SSC5D: variants seen among roughly 807,000 people sequenced by gnomAD.
The protein encoded by SSC5D is soluble scavenger receptor cysteine-rich domain-containing protein SSC5D.
A neutral mutation model predicts 104.6 loss-of-function variants in SSC5D; 106 were observed. The observed-to-expected ratio is 1.01, with a 90% confidence interval of 0.87 to 1.19. SSC5D has a LOEUF of 1.19. Among genes scored for constraint, SSC5D ranks in the 50% most tolerant of loss-of-function variants. SSC5D has a pLI of 0.00. For synonymous variants in SSC5D, 860 were observed against 883.5 expected, an observed-to-expected ratio of 0.97 and a Z score of 0.47; for missense variants, 1,993 against 2,153.8, an observed-to-expected ratio of 0.93 and a Z score of 1.48.
In SSC5D at chr19:55,490,854, T is replaced by G; in HGVS notation, c.669T>G (p.Cys223Trp). The G allele has an allele frequency of 6.5e-7, 1 of 1,547,022 alleles. No individual in the cohort carries two copies. The highest frequency in any genetic ancestry group is 8.7e-7 in the Non-Finnish European group (1 of 1,145,310). The change falls in exon 6 of 14, where the codon TGT (cysteine) becomes TGG (tryptophan). Residue 223 changes from cysteine (C) to tryptophan (W), a missense_variant. Physicochemically the swap from Cys to Trp is radical, Grantham distance 215. This residue lies in a region of SSC5D where 1,101 missense variants were observed against 1,085.0 expected (regional missense o/e 1.01). Transcript: ENST00000389623. Reference sequence around the variant, plus strand: ...ACGGCGGGCGCTGGGGCACCGTATGTGACGATGGCTGGGACCTGCGCGACG... The same window carrying G: ...ACGGCGGGCGCTGGGGCACCGTATGGGACGATGGCTGGGACCTGCGCGACG... Reference protein sequence around the residue: ...VWHGGRWGTVCDDGWDLRDAA... With the variant: ...VWHGGRWGTVWDDGWDLRDAA...
At chr19:55,492,247 A>T (rs1276405200) in intron 6 of SSC5D, 1 of 152,266 alleles carries the variant, frequency 6.6e-6, no homozygotes, top group Non-Finnish European at 1.5e-5. Context: ...GGGTCTGTAT[A>T]GACCCACGCT....
In SSC5D at chr19:55,499,819, C is replaced by T. The variant is rs200136593; in HGVS notation, c.1709C>T (p.Pro570Leu). ...NEDVGVTCTG[P>L]PGLDSISDPF... ...TCCTGCCCCACTCACCTTCCAGGGC[C>T]CCCAGGCCTGGACTCCATCTCAGAC... The change falls in exon 10 of 14, where the codon CCC becomes CTC. Residue 570 changes from proline (P) to leucine (L), a missense_variant. Pro to Leu is a moderately conservative substitution (Grantham distance 98). This residue lies in a region of SSC5D where 1,101 missense variants were observed against 1,085.0 expected (regional missense o/e 1.01). Transcript: ENST00000389623. The T allele has an allele frequency of 4.0e-5, 62 of 1,550,068 alleles. No individual in the cohort carries two copies. The highest frequency in any genetic ancestry group is 5.1e-5 in the Non-Finnish European group (58 of 1,145,834).
At chr19:55,513,707 C>T (rs960599612) in intron 13 of SSC5D, among the ~76,000 whole-genome samples, 4 of 152,206 alleles carry the variant, frequency 2.6e-5, no homozygotes, top group Non-Finnish European at 4.4e-5. Flanking sequence ...AGAGGCTACC[C>T]ATTGGCACCT....
intron 5 of SSC5D, 73 bp downstream of exon 5, chr19:55,490,481 C>G: frequency 1.6e-6 from 1 of 623,176 alleles, no homozygotes; most frequent in Admixed American, 3.3e-5. Context: ...AAACTGAGGA[C>G]CTGCGGGCGC....
intron 13 of SSC5D, among the ~76,000 whole-genome samples, chr19:55,513,773 T>A (rs1232703709): frequency 6.6e-6 from 1 of 152,048 alleles, no homozygotes; most frequent in East Asian, 1.9e-4. Flanking sequence ...ACATTCCCCA[T>A]AACAAAGAAC....
chr19:55,504,150 T>G (rs1987583592), intron 12 of SSC5D: 3 of 1,535,598 alleles, frequency 2.0e-6, no homozygotes, highest in Non-Finnish European at 2.6e-6. Flanking sequence ...GTGATGCTCC[T>G]CGTTCAAGGA....
chr19:55,496,903 T>A (rs1031821377), intron 8 of SSC5D, among the ~76,000 whole-genome samples: 2 of 152,140 alleles, frequency 1.3e-5, no homozygotes, highest in African/African-American at 4.8e-5. Flanking sequence ...GCTGAGCCAC[T>A]GCACCTGGCC....
rs1987379495 is a variant in SSC5D, at chr19:55,498,189, C to T, written c.1697C>T (p.Thr566Ile). ...NCAHNEDVGV[T>I]CTGPPGLDSI... ...GCTCACAATGAGGATGTTGGGGTCA[C>T]CTGCACTGGTAAGGAGGCCCTAGCT... Residue 566 changes from threonine to isoleucine, a missense_variant, in exon 9 of 14, where the codon ACC becomes ATC. Thr to Ile is a moderately conservative substitution (Grantham distance 89). Transcript: ENST00000389623. 1.3e-6 allele frequency: 2 copies of T among 1,551,618 alleles called. No homozygotes were observed. Among genetic ancestry groups the T allele is most frequent in the Non-Finnish European group, 1.7e-6 (2 of 1,147,000 alleles).
intron 6 of SSC5D, 62 bp downstream of exon 6, chr19:55,491,142 C>T (rs769547299): frequency 1.5e-5 from 22 of 1,487,558 alleles, no homozygotes; most frequent in Non-Finnish European, 2.0e-5. Context: ...CCTCTTGCCC[C>T]TCCAGGAAGC....
At chr19:55,496,927 T>C (rs1257597577) in intron 8 of SSC5D, among the ~76,000 whole-genome samples, 4 of 152,156 alleles carry the variant, frequency 2.6e-5, no homozygotes, top group Non-Finnish European at 5.9e-5. Context: ...GCCTGGCTAA[T>C]TTTTGTATTT....
intron 12 of SSC5D, among the ~76,000 whole-genome samples, chr19:55,504,750 G>A (rs1987600744): frequency 6.6e-6 from 1 of 152,108 alleles, no homozygotes; most frequent in Non-Finnish European, 1.5e-5. Flanking sequence ...ACTCGCCTTG[G>A]CCTCCCGAAG....
intron 8 of SSC5D, among the ~76,000 whole-genome samples, chr19:55,495,684 A>G (rs890078637): frequency 6.6e-6 from 1 of 152,116 alleles, no homozygotes; most frequent in Admixed American, 6.6e-5. Flanking sequence ...GGGGCCACAC[A>G]GGGAAGCACC....
Position 55,518,122 on chromosome 19 carries a change from C to G in SSC5D, c.3846C>G (p.His1282Gln). The change falls in exon 14 of 14, where the codon CAC (histidine) becomes CAG (glutamine). Residue 1282 changes from histidine to glutamine, a missense_variant. His to Gln is a conservative substitution (Grantham distance 24). Around this residue, in one of 6 missense-constraint regions of SSC5D, gnomAD observed 349 missense variants for 397.6 expected, o/e 0.88. Transcript: ENST00000389623. The stretch of plus-strand genomic sequence containing the variant: ...TGCCTCATCCCACCACGACCCCTCA[C>G]CCCACCACGACTCCTCACCCCACCA... ...TTMPHPTTTP[H>Q]PTTTPHPTTT... is the part of the protein sequence containing the mutation. The G allele has an allele frequency of 6.9e-7, 1 of 1,458,114 alleles. No homozygotes were observed. Among genetic ancestry groups the G allele is most frequent in the Non-Finnish European group, 9.2e-7 (1 of 1,083,980 alleles). The allele number at this position is 1,458,114 out of a possible 1,614,324, so 90.3% of individuals were successfully genotyped here.
At chr19:55,491,101 G>GC (rs1987132891) in intron 6 of SSC5D, 21 bp downstream of exon 6, 6 of 1,538,472 alleles carry the variant, frequency 3.9e-6, no homozygotes, top group Non-Finnish European at 5.3e-6. Flanking sequence ...CTGGGGCCTG[G>GC]CCCCCTCCTG....
Position 55,500,193 on chromosome 19 carries a change from C to G in SSC5D, c.2083C>G (p.His695Asp). The change falls in exon 10 of 14, where the codon CAC (histidine) becomes GAC (aspartate). Residue 695 changes from histidine (H) to aspartate (D), a missense_variant. Transcript: ENST00000389623. This position sits in a 1 kb window ranked among gnomAD's most constrained non-coding sequence, Gnocchi z 4.6. The part of the protein sequence containing the change: ...TTEAPQRWTS[H>D]TTATLTPQAP... The stretch of plus-strand genomic sequence containing the variant: ...GGAGGCCCCCCAGAGATGGACCTCT[C>G]ACACCACTGCCACGCTGACCCCTCA... The G allele has an allele frequency of 6.4e-7, 1 of 1,551,482 alleles. No individual in the cohort carries two copies.
At position 55,489,605 on chromosome 19, in the gene SSC5D, C is replaced by A. The variant is rs574900077; in HGVS notation, c.304C>A (p.Arg102=). The A allele has an allele frequency of 2.6e-6, 4 of 1,529,982 alleles. No individual in the cohort carries two copies. Among genetic ancestry groups the A allele is most frequent in the South Asian group, 2.4e-5 (2 of 83,524 alleles). 94.8% of individuals were successfully genotyped at this position (1,529,982 alleles called of 1,614,324 possible). A position where few individuals can be genotyped will look rare whatever the true frequency, so the allele number is the denominator to read the frequency against. Residue 102 remains arginine (R), a synonymous_variant, in exon 3 of 14, where the codon CGG becomes AGG. Coordinates refer to ENST00000389623, the MANE Select transcript of SSC5D (RefSeq NM_001144950.2). ...NEGQLGLCHH[R]GWKAHICSHE... is the part of the protein sequence containing the mutation. ...GGGGCAGCTGGGCCTCTGCCACCAC[C>A]GGGGCTGGAAGGCCCACATCTGCTC...
rs993322019 is a variant in SSC5D, at chr19:55,503,206, G to A, written c.2785+2005G>A. On this transcript the variant is annotated intron_variant, in intron 12 of 13. Transcript: ENST00000389623. This position sits in a 1 kb window ranked among gnomAD's most constrained non-coding sequence, Gnocchi z 4.0. Reference sequence around the variant, plus strand: ...TCGGCTTGCTGCGGCCTCCCAAAGTGCTGGAATTGCAGGCGGGAGCCACTG... The same window carrying A: ...TCGGCTTGCTGCGGCCTCCCAAAGTACTGGAATTGCAGGCGGGAGCCACTG... 6.6e-6 allele frequency among the ~76,000 whole-genome samples: 1 copy of A among 152,126 alleles called. No homozygotes were observed. Among genetic ancestry groups the A allele is most frequent in the Admixed American group, 6.5e-5 (1 of 15,272 alleles).
chr19:55,489,653 G>T lies in SSC5D; in HGVS notation c.352G>T (p.Val118Phe), dbSNP rs755305586. 1.3e-6 allele frequency: 2 copies of T among 1,532,862 alleles called. No homozygotes were observed. Among genetic ancestry groups the T allele is most frequent in the Non-Finnish European group, 8.7e-7 (1 of 1,144,864 alleles). 95.0% of individuals were successfully genotyped at this position (1,532,862 alleles called of 1,614,324 possible). Reference protein sequence around the residue: ...ICSHEEDAGVVCAGQRVANSR... With the variant: ...ICSHEEDAGVFCAGQRVANSR... ...CTCCCACGAGGAGGACGCGGGCGTC[G>T]TCTGCGCAGGTGAGGACACCCTGGC... Residue 118 changes from valine to phenylalanine, a missense_variant, in exon 3 of 14, where the codon GTC (valine) becomes TTC (phenylalanine). Coordinates refer to ENST00000389623, the MANE Select transcript of SSC5D (RefSeq NM_001144950.2).
chr19:55,511,456 G>C (rs927953920), intron 12 of SSC5D, among the ~76,000 whole-genome samples: 1 of 152,280 alleles, frequency 6.6e-6, no homozygotes, highest in South Asian at 2.1e-4. Flanking sequence ...AAGGGAATTC[G>C]GGGTGGGGGC....
Sources: allele counts gnomAD v4.1 joint callset (sites outside exome capture counted in the v4.1 genomes callset), GRCh38; gene constraint gnomAD v4.1.1; regional missense constraint gnomAD v4.1.1; non-coding constraint Gnocchi (gnomAD v3.1); transcripts MANE v1.5; gene names NCBI Gene and HGNC (gene_info 2026-07-23, HGNC 2026-07-21).